Variants in INPP4B observed in about 807,000 individuals in gnomAD.
The protein encoded by INPP4B is inositol polyphosphate-4-phosphatase type II B.
Under a neutral mutation model 122.5 loss-of-function variants are expected in INPP4B, and 55 were observed. That is an observed-to-expected ratio of 0.45 (90% CI 0.36 to 0.56). The LOEUF (loss-of-function observed/expected upper bound fraction) is 0.56, where lower values mean the gene tolerates loss of function less well. INPP4B is among the 20% of genes least tolerant of loss of function. The pLI is 0.00. For synonymous variants in INPP4B, 403 were observed against 388.7 expected, an observed-to-expected ratio of 1.04 and a Z score of -0.43; for missense variants, 1,000 against 1,097.7, an observed-to-expected ratio of 0.91 and a Z score of 1.26.
chr4:142,184,975 G>A (rs1037600921), intron 15 of INPP4B, among the ~76,000 whole-genome samples: 15 of 152,198 alleles, frequency 9.9e-5, no homozygotes, highest in East Asian at 1.9e-4. Flanking sequence ...TTGCCTTTAA[G>A]AAATATAATT....
chr4:142,306,025 C>T (rs1056539633), intron 8 of INPP4B: 1 of 650,534 alleles, frequency 1.5e-6, no homozygotes. Context: ...TTTCCCCCAT[C>T]ACAGCAATGT....
At chr4:142,674,088 C>G (rs1223105692) in intron 2 of INPP4B, among the ~76,000 whole-genome samples, 1 of 152,090 alleles carries the variant, frequency 6.6e-6, no homozygotes, top group Non-Finnish European at 1.5e-5. Context: ...TTCTCTGATC[C>G]CAGGACAAGT....
chr4:142,512,616 A>G (rs1240799720), intron 2 of INPP4B, among the ~76,000 whole-genome samples: 2 of 152,146 alleles, frequency 1.3e-5, no homozygotes, highest in Non-Finnish European at 2.9e-5. Flanking sequence ...CCACCTCCCC[A>G]AAATTTTCTG....
intron 2 of INPP4B, among the ~76,000 whole-genome samples, chr4:142,481,602 A>G (rs1820554881): frequency 6.6e-6 from 1 of 152,096 alleles, no homozygotes; most frequent in Non-Finnish European, 1.5e-5. Context: ...TTATCAAAGC[A>G]TATTTGTTAT....
At chr4:142,349,711 C>G (rs1332466751) in intron 7 of INPP4B, among the ~76,000 whole-genome samples, 1 of 151,972 alleles carries the variant, frequency 6.6e-6, no homozygotes. Flanking sequence ...TAATCACTAT[C>G]TGAATGTAAT....
At chr4:142,310,818 G>T (rs1362398561) in intron 8 of INPP4B, among the ~76,000 whole-genome samples, 14 of 151,948 alleles carry the variant, frequency 9.2e-5, no homozygotes, top group Admixed American at 7.9e-4. Context: ...TCTATTAAAA[G>T]TTGATGAATA....
At chr4:142,553,965 C>G (rs1728545685) in intron 2 of INPP4B, among the ~76,000 whole-genome samples, 1 of 152,024 alleles carries the variant, frequency 6.6e-6, no homozygotes, top group Non-Finnish European at 1.5e-5. Flanking sequence ...CCGAAGTGGG[C>G]AGATCACGAG....
chr4:142,270,626 T>A (rs746051535), intron 10 of INPP4B, 37 bp downstream of exon 10: 12 of 1,357,748 alleles, frequency 8.8e-6, no homozygotes, highest in Admixed American at 1.7e-5. Context: ...TGATCATTTT[T>A]AATTTAATTT....
At chr4:142,670,930 A>C (rs1756905288) in intron 2 of INPP4B, among the ~76,000 whole-genome samples, 1 of 152,144 alleles carries the variant, frequency 6.6e-6, no homozygotes, top group Non-Finnish European at 1.5e-5. Flanking sequence ...AATTTTATCT[A>C]TTAATTTTTT....
intron 9 of INPP4B, among the ~76,000 whole-genome samples, chr4:142,276,126 T>C (rs544299598): frequency 6.6e-6 from 1 of 151,844 alleles, no homozygotes; most frequent in Non-Finnish European, 1.5e-5. Context: ...GTCTATTTCA[T>C]GTGTCCCCTC....
chr4:142,686,101 G>C (rs186437639), intron 2 of INPP4B, among the ~76,000 whole-genome samples: 7 of 152,182 alleles, frequency 4.6e-5, no homozygotes, highest in Admixed American at 4.6e-4. Flanking sequence ...AGGCTTCAAA[G>C]AGTCTAGGAC....
At chr4:142,595,915 T>C (rs1738595167) in intron 2 of INPP4B, among the ~76,000 whole-genome samples, 1 of 152,146 alleles carries the variant, frequency 6.6e-6, no homozygotes, top group Non-Finnish European at 1.5e-5. Flanking sequence ...AGTGGCACCA[T>C]CTTGGCTCAC....
At chr4:142,309,040 A>G (rs1157519322) in intron 8 of INPP4B, among the ~76,000 whole-genome samples, 1 of 150,548 alleles carries the variant, frequency 6.6e-6, no homozygotes, top group Non-Finnish European at 1.5e-5. Context: ...TTAGTTGCTG[A>G]AAAAAATGCC....
intron 6 of INPP4B, among the ~76,000 whole-genome samples, chr4:142,403,883 A>C (rs1016988045): frequency 5.3e-5 from 8 of 152,316 alleles, no homozygotes; most frequent in Middle Eastern, 3.4e-3. Flanking sequence ...ATAGCAAAAC[A>C]TGTTCAAGTA....
At chr4:142,676,905 G>A (rs955408120) in intron 2 of INPP4B, among the ~76,000 whole-genome samples, 15 of 152,128 alleles carry the variant, frequency 9.9e-5, no homozygotes, top group Non-Finnish European at 8.8e-5. Flanking sequence ...GAAAACTTAG[G>A]CCATACCATT....
At chr4:142,101,266 G>A (rs1287382835) in intron 23 of INPP4B, among the ~76,000 whole-genome samples, 2 of 152,070 alleles carry the variant, frequency 1.3e-5, no homozygotes, top group African/African-American at 2.4e-5. Context: ...AAAGTGGATT[G>A]GTATTCAGAT....
At chr4:142,395,096 A>G (rs1007492071) in intron 7 of INPP4B, among the ~76,000 whole-genome samples, 2 of 152,252 alleles carry the variant, frequency 1.3e-5, no homozygotes, top group Non-Finnish European at 2.9e-5. Flanking sequence ...AAAAAAGCAA[A>G]CAAAGTTTTT....
intron 14 of INPP4B, among the ~76,000 whole-genome samples, chr4:142,204,106 A>G (rs1043463011): frequency 3.9e-5 from 6 of 152,128 alleles, no homozygotes; most frequent in African/African-American, 1.4e-4. Flanking sequence ...AGAGAGGTCA[A>G]ATAACATGGT....
intron 9 of INPP4B, among the ~76,000 whole-genome samples, chr4:142,298,259 A>G (rs999454996): frequency 3.3e-5 from 5 of 152,180 alleles, no homozygotes; most frequent in Non-Finnish European, 7.4e-5. Context: ...AACTTGAGAT[A>G]CAATAGAAAT....
Sources: gnomAD v4.1 joint callset for allele counts (sites outside exome capture counted in the v4.1 genomes callset) on GRCh38, gnomAD v4.1.1 for gene constraint, MANE v1.5 for transcripts, NCBI Gene and HGNC (gene_info 2026-07-23, HGNC 2026-07-21) for gene names.